The following TRPC5 variants were observed in gnomAD, a reference collection of about 807,000 sequenced individuals.
The protein encoded by TRPC5 is short transient receptor potential channel 5.
A neutral mutation model predicts 56.5 loss-of-function variants in TRPC5; 9 were observed. That is an observed-to-expected ratio of 0.16 (90% CI 0.10 to 0.28). TRPC5 has a LOEUF of 0.28. Ranked by LOEUF, TRPC5 falls within the 10% of genes least tolerant of loss-of-function variation. The probability of loss-of-function intolerance (pLI) is 1.00; values close to 1 mark genes in which losing one functional copy is unlikely to be tolerated. For missense variants in TRPC5, 469 were observed against 748.9 expected (o/e 0.63, Z 4.36); for synonymous variants, 282 against 278.5 (o/e 1.01, Z -0.13).
chrX:112,025,591 T>C (rs930044298), intron 1 of TRPC5, among the ~76,000 whole-genome samples: 1 of 111,518 alleles, frequency 9.0e-6, no homozygotes, highest in Non-Finnish European at 1.9e-5. Context: ...AAACTTCCAC[T>C]CTCCATGTGT....
In TRPC5 at chrX:111,773,460, G is replaced by A. The variant is rs1945855538; in HGVS notation, c.*2853C>T. Among the ~76,000 whole-genome samples, 1 of 111,696 alleles carries A rather than the reference G, an allele frequency of 9.0e-6. No individual in the cohort carries two copies. Among genetic ancestry groups the A allele is most frequent in the South Asian group, 3.7e-4 (1 of 2,696 alleles). ...TTTAGATAAGTAGTAAATGATTTTT[G>A]TATTATTTGTGTTTGACTTTGCAGT... is the stretch of plus-strand genomic sequence containing the variant. On this transcript the variant is annotated 3_prime_UTR_variant, in exon 11 of 11. Transcript: ENST00000262839.
At chrX:111,977,833 A>G (rs933039983) in intron 1 of TRPC5, among the ~76,000 whole-genome samples, 5 of 112,231 alleles carry the variant, frequency 4.5e-5, no homozygotes, top group Non-Finnish European at 7.5e-5. Context: ...TCTCAAAAGA[A>G]GAAACGCAGA....
intron 1 of TRPC5, among the ~76,000 whole-genome samples, chrX:112,020,456 A>G (rs757335742): frequency 1.5e-4 from 17 of 111,739 alleles, no homozygotes; most frequent in African/African-American, 5.5e-4. Context: ...TTAGACCATT[A>G]AAAAGGATCT....
intron 1 of TRPC5, among the ~76,000 whole-genome samples, chrX:112,027,187 A>G (rs1291441605): frequency 8.9e-6 from 1 of 112,097 alleles, no homozygotes; most frequent in African/African-American, 3.2e-5. Context: ...TAGGGTGAAG[A>G]TAATTCATGT....
At chrX:111,989,472 T>C (rs1928296274) in intron 1 of TRPC5, among the ~76,000 whole-genome samples, 1 of 111,766 alleles carries the variant, frequency 8.9e-6, no homozygotes, top group Non-Finnish European at 1.9e-5. Flanking sequence ...AGTAAGAATG[T>C]TCAGAATTTT....
chrX:111,905,784 G>C (rs987012832), intron 3 of TRPC5, among the ~76,000 whole-genome samples: 1 of 108,622 alleles, frequency 9.2e-6, no homozygotes, highest in Non-Finnish European at 1.9e-5. Flanking sequence ...GCGTGGTGGC[G>C]GGCGCCTGTA....
At chrX:111,927,232 A>G (rs941848923) in intron 2 of TRPC5, among the ~76,000 whole-genome samples, 30 of 112,327 alleles carry the variant, frequency 2.7e-4, no homozygotes, top group Non-Finnish European at 3.2e-4. Context: ...CAAGTGTAAA[A>G]GCCAAGGACA....
intron 2 of TRPC5, among the ~76,000 whole-genome samples, chrX:111,936,607 T>C (rs1290412406): frequency 1.1e-3 from 111 of 103,417 alleles, no homozygotes; most frequent in African/African-American, 3.7e-3. Flanking sequence ...TGGTTTTTTG[T>C]TCTTGCGATA....
At chrX:112,031,887 T>G (rs1929595764) in intron 1 of TRPC5, among the ~76,000 whole-genome samples, 2 of 108,906 alleles carry the variant, frequency 1.8e-5, no homozygotes, top group South Asian at 3.8e-4. Flanking sequence ...TATATATATA[T>G]TTCATATAGA....
chrX:112,002,690 G>T (rs1485167883), intron 1 of TRPC5, among the ~76,000 whole-genome samples: 1 of 111,394 alleles, frequency 9.0e-6, no homozygotes, highest in Non-Finnish European at 1.9e-5. Flanking sequence ...TCTTGACAGG[G>T]TATTTTTCAA....
intron 1 of TRPC5, among the ~76,000 whole-genome samples, chrX:112,037,346 T>C (rs1929773376): frequency 1.8e-5 from 2 of 111,746 alleles, no homozygotes; most frequent in Admixed American, 1.9e-4. Flanking sequence ...ATTCAAAGAT[T>C]ATACCTGCTG....
intron 3 of TRPC5, among the ~76,000 whole-genome samples, chrX:111,873,813 T>TA (rs1467639626): frequency 9.2e-6 from 1 of 108,292 alleles, no homozygotes; most frequent in Non-Finnish European, 1.9e-5. Context: ...AAATTTGAAA[T>TA]AAAAAAGCAA....
At chrX:111,993,471 C>T (rs188815540) in intron 1 of TRPC5, among the ~76,000 whole-genome samples, 1,572 of 112,072 alleles carry the variant, frequency 0.014, 24 homozygotes, top group African/African-American at 0.048. Flanking sequence ...CTTAAGGAAT[C>T]GCCACACTGT....
At chrX:112,079,412 C>T (rs770654442) in intron 1 of TRPC5, among the ~76,000 whole-genome samples, 4 of 112,183 alleles carry the variant, frequency 3.6e-5, no homozygotes, top group Non-Finnish European at 7.5e-5. Flanking sequence ...TGAGAATGTA[C>T]TCCAAGGTTC....
At position 111,913,482 on chromosome X, in the gene TRPC5, A is replaced by G. The variant is rs549030627; in HGVS notation, c.379-670T>C. Reference sequence around the variant, plus strand: ...AGGAAGAAGTACTCTGAAAATGAAGACTTCTCGGCTTGGGGAGGGGATACT... The same window carrying G: ...AGGAAGAAGTACTCTGAAAATGAAGGCTTCTCGGCTTGGGGAGGGGATACT... On this transcript the variant is annotated intron_variant, in intron 2 of 10. Transcript: ENST00000262839. Among the ~76,000 whole-genome samples the G allele has an allele frequency of 1.7e-4, 19 of 110,701 alleles. No homozygotes were observed. In the South Asian group the frequency reaches 7.5e-3, roughly 43 times the overall value.
intron 9 of TRPC5, among the ~76,000 whole-genome samples, chrX:111,780,325 C>G (rs1323126301): frequency 9.1e-6 from 1 of 109,759 alleles, no homozygotes; most frequent in African/African-American, 3.3e-5. Flanking sequence ...AAGTGCTTCT[C>G]TATTTCTTTG....
intron 1 of TRPC5, among the ~76,000 whole-genome samples, chrX:111,963,799 A>G (rs1392141429): frequency 8.9e-6 from 1 of 112,131 alleles, no homozygotes; most frequent in Non-Finnish European, 1.9e-5. Flanking sequence ...AACAGAAAGG[A>G]CATCCACACC....
chrX:111,965,583 T>A (rs932312092), intron 1 of TRPC5, among the ~76,000 whole-genome samples: 1 of 111,334 alleles, frequency 9.0e-6, no homozygotes, highest in African/African-American at 3.3e-5. Context: ...AGTGAAGCAC[T>A]CCTCCGCAAA....
intron 7 of TRPC5, among the ~76,000 whole-genome samples, chrX:111,782,860 A>T (rs1218484706): frequency 9.8e-6 from 1 of 101,620 alleles, no homozygotes; most frequent in Non-Finnish European, 1.9e-5. Context: ...CATTTCTAGG[A>T]GTTTTAAGAG....
Sources: gnomAD v4.1 joint callset for allele counts (sites outside exome capture counted in the v4.1 genomes callset) on GRCh38, gnomAD v4.1.1 for gene constraint, MANE v1.5 for transcripts, NCBI Gene and HGNC (gene_info 2026-07-23, HGNC 2026-07-21) for gene names.